Variants in HDAC9 observed in about 807,000 individuals in gnomAD.
HDAC9 encodes the protein histone deacetylase 9, also known as MEF-2 interacting transcription repressor (MITR) protein.
Under a neutral mutation model 139.4 loss-of-function variants are expected in HDAC9, and 41 were observed. The observed-to-expected ratio is 0.29, with a 90% CI of 0.23 to 0.38. The LOEUF (loss-of-function observed/expected upper bound fraction) is 0.38. Ranked by LOEUF, HDAC9 falls within the 10% of genes least tolerant of loss-of-function variation. HDAC9 has a pLI of 1.00. For synonymous variants in HDAC9, 517 were observed against 476.2 expected (o/e 1.09, Z -1.12); for missense variants, 1,147 against 1,297.0 (o/e 0.88, Z 1.78).
rs1196197363 is a variant in HDAC9, at chr7:18,785,360, A to G, written c.2215-7985A>G. ...AAAAACCATGCATCGTAGGATGCGT[A>G]GTGGCATTCCTGGCTCTATGCACTA... On this transcript the variant is annotated intron_variant, in intron 16 of 25. Transcript: ENST00000686413. Among the ~76,000 whole-genome samples the G allele has an allele frequency of 5.9e-5, 9 of 152,050 alleles. No individual in the cohort carries two copies. In the South Asian group the frequency reaches 6.2e-4, roughly 10 times the overall value.
At chr7:18,561,206 A>G (rs1423507212) in intron 2 of HDAC9, among the ~76,000 whole-genome samples, 1 of 152,210 alleles carries the variant, frequency 6.6e-6, no homozygotes, top group Non-Finnish European at 1.5e-5. Flanking sequence ...CTTCTCCAAA[A>G]GAAGCTGGTA....
At chr7:18,672,463 C>T (rs999136404) in intron 12 of HDAC9, among the ~76,000 whole-genome samples, 1 of 151,892 alleles carries the variant, frequency 6.6e-6, no homozygotes, top group Admixed American at 6.6e-5. Flanking sequence ...AGACCTTTAT[C>T]GGGTATATAA....
intron 1 of HDAC9, among the ~76,000 whole-genome samples, chr7:18,400,551 G>A (rs1562952995): frequency 6.6e-6 from 1 of 152,164 alleles, no homozygotes; most frequent in African/African-American, 2.4e-5. Flanking sequence ...GAGGATAGCC[G>A]GGAGGTATGA....
chr7:18,455,480 C>G (rs890187800), intron 1 of HDAC9, among the ~76,000 whole-genome samples: 1 of 152,096 alleles, frequency 6.6e-6, no homozygotes, highest in African/African-American at 2.4e-5. Flanking sequence ...TGGTATTTAT[C>G]TTTTTTTCCA....
intron 1 of HDAC9, among the ~76,000 whole-genome samples, chr7:18,420,191 G>A (rs887326593): frequency 6.6e-5 from 10 of 152,128 alleles, no homozygotes; most frequent in South Asian, 4.1e-4. Flanking sequence ...TGGGACAAGC[G>A]TACTATCTGA....
chr7:18,981,304 A>G (rs1483952480), intron 25 of HDAC9, among the ~76,000 whole-genome samples: 1 of 152,148 alleles, frequency 6.6e-6, no homozygotes, highest in Non-Finnish European at 1.5e-5. Context: ...CTCTTTCAAC[A>G]CTTTCTGATT....
intron 12 of HDAC9, among the ~76,000 whole-genome samples, chr7:18,706,085 C>A (rs1783885159): frequency 6.6e-6 from 1 of 150,832 alleles, no homozygotes; most frequent in Admixed American, 6.6e-5. Flanking sequence ...GAAAATGTCC[C>A]ATCTTTCTTG....
intron 1 of HDAC9, among the ~76,000 whole-genome samples, chr7:18,300,900 C>A (rs1351730914): frequency 6.6e-6 from 1 of 152,072 alleles, no homozygotes; most frequent in Non-Finnish European, 1.5e-5. Flanking sequence ...CCCCTAAAGT[C>A]ATGGATTCTA....
At chr7:18,525,681 G>T (rs758432582) in intron 2 of HDAC9, among the ~76,000 whole-genome samples, 12 of 152,008 alleles carry the variant, frequency 7.9e-5, no homozygotes, top group Non-Finnish European at 1.2e-4. Context: ...CTGAAACATA[G>T]AATATATTAA....
chr7:18,767,790 G>T (rs1023430733), intron 16 of HDAC9, among the ~76,000 whole-genome samples: 9 of 152,104 alleles, frequency 5.9e-5, no homozygotes, highest in Non-Finnish European at 1.5e-5. Context: ...TCTATTTAAA[G>T]TTAACCCTTA....
At chr7:18,962,350 A>T (rs1053457376) in intron 24 of HDAC9, among the ~76,000 whole-genome samples, 2 of 152,156 alleles carry the variant, frequency 1.3e-5, no homozygotes, top group African/African-American at 2.4e-5. Flanking sequence ...GCCAGGTCAG[A>T]CTTGTACACA....
intron 21 of HDAC9, among the ~76,000 whole-genome samples, chr7:18,853,255 G>A (rs956705485): frequency 1.3e-5 from 2 of 151,944 alleles, no homozygotes. Flanking sequence ...ATATGTCCAG[G>A]ACTTTTGCAT....
intron 21 of HDAC9, among the ~76,000 whole-genome samples, chr7:18,856,459 A>G (rs1797688870): frequency 6.6e-6 from 1 of 152,164 alleles, no homozygotes; most frequent in African/African-American, 2.4e-5. Context: ...GCTGCTGCAT[A>G]GAAATTGCCC....
At chr7:18,507,083 A>G (rs1799990320) in intron 2 of HDAC9, among the ~76,000 whole-genome samples, 1 of 151,814 alleles carries the variant, frequency 6.6e-6, no homozygotes, top group South Asian at 2.1e-4. Context: ...TAAAAATGTT[A>G]AAATGGATGT....
At chr7:18,907,662 G>C (rs1802383913) in intron 22 of HDAC9, among the ~76,000 whole-genome samples, 1 of 152,172 alleles carries the variant, frequency 6.6e-6, no homozygotes, top group South Asian at 2.1e-4. Context: ...ATAATCCTCT[G>C]TATCATACCA....
intron 8 of HDAC9, among the ~76,000 whole-genome samples, chr7:18,635,572 C>T (rs942125221): frequency 1.3e-5 from 2 of 152,090 alleles, no homozygotes; most frequent in African/African-American, 4.8e-5. Context: ...AAAATAGCCA[C>T]TCATGAAATC....
At chr7:18,813,838 A>T (rs1362586784) in intron 17 of HDAC9, among the ~76,000 whole-genome samples, 3 of 152,168 alleles carry the variant, frequency 2.0e-5, no homozygotes, top group African/African-American at 7.2e-5. Context: ...GAGTCTAGCT[A>T]TTACTAAGAT....
At chr7:18,609,859 C>T (rs1247811277) in intron 6 of HDAC9, among the ~76,000 whole-genome samples, 3 of 150,602 alleles carry the variant, frequency 2.0e-5, no homozygotes, top group Non-Finnish European at 3.0e-5. Flanking sequence ...CAGTTCCCAC[C>T]TATGAGTGAG....
intron 21 of HDAC9, among the ~76,000 whole-genome samples, chr7:18,852,390 G>C (rs1488002065): frequency 6.6e-6 from 1 of 152,202 alleles, no homozygotes; most frequent in African/African-American, 2.4e-5. Context: ...AGTCAGGCGA[G>C]GAGGCGGAGG....
Sources: allele counts gnomAD v4.1 joint callset (sites outside exome capture counted in the v4.1 genomes callset), GRCh38; gene constraint gnomAD v4.1.1; transcripts MANE v1.5; gene names NCBI Gene and HGNC (gene_info 2026-07-23, HGNC 2026-07-21).